Variants in MLLT10 observed in about 807,000 individuals in gnomAD.
The protein encoded by MLLT10 is MLLT10 histone lysine methyltransferase DOT1L cofactor.
A neutral mutation model predicts 129.1 loss-of-function variants in MLLT10; 30 were observed. The observed-to-expected ratio is 0.23, with a 90% CI of 0.17 to 0.32. The LOEUF (loss-of-function observed/expected upper bound fraction) is 0.32. Ranked by LOEUF, MLLT10 falls within the 10% of genes least tolerant of loss-of-function variation. The pLI, the probability that MLLT10 is intolerant of heterozygous loss-of-function variation, is 1.00. For missense variants in MLLT10, 1,119 were observed against 1,268.3 expected, an observed-to-expected ratio of 0.88 and a Z score of 1.79; for synonymous variants, 490 against 446.4, an observed-to-expected ratio of 1.10 and a Z score of -1.23.
chr10:21,605,049 A>T (rs549379209), intron 5 of MLLT10, among the ~76,000 whole-genome samples: 1 of 151,492 alleles, frequency 6.6e-6, no homozygotes, highest in Admixed American at 6.6e-5. Context: ...CAGCCACTTC[A>T]CTGCAGCCTA....
chr10:21,602,337 T>C (rs2043618690), intron 5 of MLLT10, among the ~76,000 whole-genome samples: 1 of 151,686 alleles, frequency 6.6e-6, no homozygotes, highest in Non-Finnish European at 1.5e-5. Flanking sequence ...GGCTCCCCCG[T>C]TATAGGTCAA....
chr10:21,657,992 C>G (rs1027348013), intron 9 of MLLT10, among the ~76,000 whole-genome samples: 4 of 152,024 alleles, frequency 2.6e-5, no homozygotes, highest in African/African-American at 9.7e-5. Context: ...CACTTTATCT[C>G]TCTGTTCTTT....
chr10:21,571,518 T>C (rs2040203590), intron 3 of MLLT10, among the ~76,000 whole-genome samples: 1 of 152,258 alleles, frequency 6.6e-6, no homozygotes. Flanking sequence ...TTGTTTTTTG[T>C]CTTCCAGGGA....
chr10:21,717,939 T>TTTCTTCTTTC (rs765416746), intron 14 of MLLT10, among the ~76,000 whole-genome samples: 2,390 of 142,434 alleles, frequency 0.017, 117 homozygotes, highest in African/African-American at 0.06. Context: ...TTCTCCTTCT[T>TTTCTTCTTTC]TTCTTCTTTC....
At chr10:21,737,264 A>G (rs566718053) in intron 21 of MLLT10, among the ~76,000 whole-genome samples, 1 of 152,178 alleles carries the variant, frequency 6.6e-6, no homozygotes, top group South Asian at 2.1e-4. Context: ...ACCTCATTAA[A>G]TGGTTCAAAA....
intron 3 of MLLT10, chr10:21,557,474 C>T (rs941264317): frequency 6.4e-6 from 1 of 156,118 alleles, no homozygotes; most frequent in African/African-American, 2.4e-5. Flanking sequence ...ACCAGGCAGC[C>T]TAGAACCAAA....
chr10:21,612,692 G>A (rs1292999823), intron 6 of MLLT10, among the ~76,000 whole-genome samples: 3 of 152,040 alleles, frequency 2.0e-5, no homozygotes, highest in Non-Finnish European at 4.4e-5. Flanking sequence ...CTTCAGTTTC[G>A]TCTTGTTTAA....
At position 21,696,293 on chromosome 10, in the gene MLLT10, A is replaced by G. The variant is rs2054354339; in HGVS notation, c.1699+14036A>G. On this transcript the variant is annotated intron_variant, in intron 13 of 22. Coordinates refer to ENST00000307729, the MANE Select transcript of MLLT10 (RefSeq NM_001195626.3). ...ATTTCCTTTGCTTGTGGACTCGGGT[A>G]TTTGTTTTTAGGTAATATTTTTTTT... Among the ~76,000 whole-genome samples, 3 of 150,882 alleles carry G rather than the reference A, an allele frequency of 2.0e-5. No homozygotes were observed. In the South Asian group the frequency reaches 6.3e-4, roughly 32 times the overall value.
At chr10:21,615,951 TTA>T (rs1285169211) in intron 7 of MLLT10, among the ~76,000 whole-genome samples, 3 of 152,144 alleles carry the variant, frequency 2.0e-5, no homozygotes, top group African/African-American at 7.2e-5. Context: ...TAAGGCTTCT[TTA>T]TTTTTCTTTT....
At chr10:21,559,358 A>G (rs142833739) in intron 3 of MLLT10, among the ~76,000 whole-genome samples, 4,303 of 152,306 alleles carry the variant, frequency 0.028, 207 homozygotes, top group African/African-American at 0.097. Context: ...GATTACAGGC[A>G]TGAGCCACTG....
chr10:21,556,274 A>G (rs2037947496), intron 3 of MLLT10, among the ~76,000 whole-genome samples: 1 of 152,138 alleles, frequency 6.6e-6, no homozygotes, highest in Non-Finnish European at 1.5e-5. Flanking sequence ...CAAATTTAAG[A>G]CAAATTCTTA....
chr10:21,566,747 T>G (rs747869206), intron 3 of MLLT10, among the ~76,000 whole-genome samples: 1 of 152,180 alleles, frequency 6.6e-6, no homozygotes, highest in Non-Finnish European at 1.5e-5. Context: ...ACCATTTTTC[T>G]TTATTGTGTT....
rs1204472481 is a variant in MLLT10, at chr10:21,534,316, C to CCT, written c.-204_-203insTC. ...CCTGGCCCAGCGGGAGCCCCCCCTC[C>CCT]CCCCAGTGCGCCTGTGCGGAGGCCC... On this transcript the variant is annotated 5_prime_UTR_variant, in exon 1 of 23. Transcript: ENST00000307729. 3 of 394,422 alleles carry CCT rather than the reference C, an allele frequency of 7.6e-6. No individual in the cohort carries two copies. The highest frequency in any genetic ancestry group is 1.3e-5 in the Non-Finnish European group (3 of 222,288). The allele number at this position is 394,422 out of a possible 1,614,324, so 24.4% of individuals were successfully genotyped here.
chr10:21,600,024 A>G (rs780927824), intron 5 of MLLT10, among the ~76,000 whole-genome samples: 15 of 152,222 alleles, frequency 9.9e-5, no homozygotes, highest in Non-Finnish European at 2.1e-4. Flanking sequence ...CCACCTGGTT[A>G]GTCAACTTTT....
chr10:21,610,383 T>C lies in MLLT10; in HGVS notation c.406-1965T>C, dbSNP rs188528703. On this transcript the variant is annotated intron_variant, in intron 5 of 22. Coordinates refer to ENST00000307729, the MANE Select transcript of MLLT10 (RefSeq NM_001195626.3). ...AGCCCTCATCTTCTTGGCCACACCA[T>C]CCAGAGTGGACCATCTGTCATAGGG... 1.7e-3 allele frequency among the ~76,000 whole-genome samples: 265 copies of C among 152,252 alleles called. 4 individuals carry two copies. Among genetic ancestry groups the C allele is most frequent in the Non-Finnish European group, 2.4e-4 (16 of 68,014 alleles).
chr10:21,659,987 C>CT (rs1324313414), intron 9 of MLLT10, among the ~76,000 whole-genome samples: 1 of 151,644 alleles, frequency 6.6e-6, no homozygotes, highest in African/African-American at 2.4e-5. Context: ...CTTGCTTAAA[C>CT]TTTTTTTTGA....
At chr10:21,593,249 C>T (rs756886363) in intron 4 of MLLT10, among the ~76,000 whole-genome samples, 2 of 151,968 alleles carry the variant, frequency 1.3e-5, no homozygotes, top group East Asian at 1.9e-4. Context: ...TGCATGCTGC[C>T]GCACCTGACT....
intron 3 of MLLT10, among the ~76,000 whole-genome samples, chr10:21,584,992 A>C (rs2041866026): frequency 1.3e-5 from 2 of 151,776 alleles, no homozygotes; most frequent in Non-Finnish European, 2.9e-5. Flanking sequence ...ATCGTGGCTC[A>C]CTGCAGCCTT....
At chr10:21,648,720 C>T (rs952610868) in intron 8 of MLLT10, among the ~76,000 whole-genome samples, 8 of 152,100 alleles carry the variant, frequency 5.3e-5, no homozygotes, top group Non-Finnish European at 7.4e-5. Flanking sequence ...AAGAAATACA[C>T]GAGACTGGGT....
Sources: gnomAD v4.1 joint callset for allele counts (sites outside exome capture counted in the v4.1 genomes callset) on GRCh38, gnomAD v4.1.1 for gene constraint, MANE v1.5 for transcripts, NCBI Gene and HGNC (gene_info 2026-07-23, HGNC 2026-07-21) for gene names.